IL1RAPL2: variants seen among roughly 807,000 people sequenced by gnomAD.
The protein encoded by IL1RAPL2 is X-linked interleukin-1 receptor accessory protein-like 2.
In IL1RAPL2, 3 loss-of-function variants were observed where a neutral mutation model predicts 44.1. The ratio of observed to expected loss-of-function variants is 0.07; its 90% CI spans 0.03 to 0.18. The LOEUF is 0.18. Ranked by LOEUF, IL1RAPL2 falls within the 10% of genes least tolerant of loss-of-function variation. IL1RAPL2 has a pLI of 1.00. For synonymous variants in IL1RAPL2, 181 were observed against 178.8 expected (o/e 1.01, Z -0.10); for missense variants, 391 against 496.4 (o/e 0.79, Z 2.02).
chrX:104,889,707 C>A (rs952645099), intron 2 of IL1RAPL2, among the ~76,000 whole-genome samples: 1 of 111,842 alleles, frequency 8.9e-6, no homozygotes, highest in Non-Finnish European at 1.9e-5. Flanking sequence ...GCCAGTTTAT[C>A]TACTTCATTA....
intron 6 of IL1RAPL2, among the ~76,000 whole-genome samples, chrX:105,710,414 T>G (rs1384768712): frequency 6.8e-5 from 7 of 102,814 alleles, no homozygotes; most frequent in African/African-American, 2.1e-4. Context: ...AACTCATGTC[T>G]TTCTGCCTCA....
intron 2 of IL1RAPL2, among the ~76,000 whole-genome samples, chrX:105,000,092 T>C (rs1374009607): frequency 2.7e-5 from 3 of 111,212 alleles, no homozygotes; most frequent in African/African-American, 9.8e-5. Context: ...AAAGCCTTTA[T>C]AGATTCAATC....
chrX:104,920,750 C>G (rs1924612909), intron 2 of IL1RAPL2, among the ~76,000 whole-genome samples: 1 of 109,223 alleles, frequency 9.2e-6, no homozygotes, highest in African/African-American at 3.3e-5. Context: ...GCCTAACATG[C>G]TAGATTAAGA....
At chrX:105,463,568 TCCCACA>T (rs2036107857) in intron 5 of IL1RAPL2, among the ~76,000 whole-genome samples, 2 of 32,808 alleles carry the variant, frequency 6.1e-5, no homozygotes, top group African/African-American at 2.1e-4. Context: ...TCTCTCTCTC[TCCCACA>T]CACACACACA....
chrX:104,867,853 C>G (rs1292633283), intron 2 of IL1RAPL2, among the ~76,000 whole-genome samples: 4 of 112,038 alleles, frequency 3.6e-5, no homozygotes, highest in Non-Finnish European at 7.5e-5. Flanking sequence ...GTGCAGTGAC[C>G]TGTGGACTGT....
At chrX:104,683,049 G>A (rs1930917678) in intron 2 of IL1RAPL2, among the ~76,000 whole-genome samples, 1 of 111,353 alleles carries the variant, frequency 9.0e-6, no homozygotes. Flanking sequence ...TGGTAAGAAG[G>A]GACCGGATCT....
chrX:105,099,453 CTTTTTTTTTTT>C (rs36063657), intron 2 of IL1RAPL2, among the ~76,000 whole-genome samples: 25 of 35,866 alleles, frequency 7.0e-4, no homozygotes, highest in African/African-American at 2.2e-3. Flanking sequence ...GTGCCACATA[CTTTTTTTTTTT>C]TTTTTTTTTT....
At chrX:105,011,880 T>C (rs2031054163) in intron 2 of IL1RAPL2, among the ~76,000 whole-genome samples, 1 of 110,610 alleles carries the variant, frequency 9.0e-6, no homozygotes, top group Non-Finnish European at 1.9e-5. Flanking sequence ...TATTTCATAA[T>C]TCACCTGACA....
At chrX:105,630,724 G>A (rs765691879) in intron 6 of IL1RAPL2, among the ~76,000 whole-genome samples, 4 of 110,443 alleles carry the variant, frequency 3.6e-5, no homozygotes, top group Non-Finnish European at 7.6e-5. Context: ...TGAATTAAGT[G>A]TCAAAAAATT....
At chrX:104,814,576 T>C (rs1921086813) in intron 2 of IL1RAPL2, among the ~76,000 whole-genome samples, 1 of 111,931 alleles carries the variant, frequency 8.9e-6, no homozygotes, top group South Asian at 3.7e-4. Flanking sequence ...CAATCTAACA[T>C]AGAGGAAGAC....
At chrX:105,260,424 C>A (rs1247665910) in intron 4 of IL1RAPL2, among the ~76,000 whole-genome samples, 1 of 111,674 alleles carries the variant, frequency 9.0e-6, no homozygotes, top group African/African-American at 3.3e-5. Flanking sequence ...AGCAGTCTCG[C>A]CACATTTTAG....
intron 2 of IL1RAPL2, among the ~76,000 whole-genome samples, chrX:104,912,148 T>C (rs867444344): frequency 1.0e-5 from 1 of 96,549 alleles, no homozygotes; most frequent in South Asian, 4.9e-4. Context: ...TTTTTTTTTT[T>C]CTTTTTTTCC....
chrX:105,237,015 G>T (rs1349446938), intron 4 of IL1RAPL2, among the ~76,000 whole-genome samples: 1 of 110,401 alleles, frequency 9.1e-6, no homozygotes, highest in Non-Finnish European at 1.9e-5. Context: ...CGCACAGCAG[G>T]ACCCAGTGTG....
chrX:105,733,735 T>C (rs1010259442), intron 7 of IL1RAPL2, among the ~76,000 whole-genome samples: 10 of 111,294 alleles, frequency 9.0e-5, no homozygotes, highest in African/African-American at 2.6e-4. Context: ...ACTATTTTCA[T>C]TGGAGCCCTT....
At chrX:105,418,557 A>T (rs1396367254) in intron 5 of IL1RAPL2, among the ~76,000 whole-genome samples, 1 of 111,795 alleles carries the variant, frequency 8.9e-6, no homozygotes, top group African/African-American at 3.3e-5. Context: ...ATGTATAACT[A>T]ATTGTTGCAT....
chrX:104,792,138 CTG>C (rs1170726886), intron 2 of IL1RAPL2, among the ~76,000 whole-genome samples: 1 of 110,385 alleles, frequency 9.1e-6, no homozygotes, highest in Non-Finnish European at 1.9e-5. Flanking sequence ...GGGGAGGAAA[CTG>C]AGGTTCAGAA....
intron 6 of IL1RAPL2, among the ~76,000 whole-genome samples, chrX:105,672,610 G>A (rs916741283): frequency 2.7e-5 from 3 of 112,363 alleles, no homozygotes; most frequent in Non-Finnish European, 3.8e-5. Flanking sequence ...AGGGGCAAGA[G>A]GAGTGTGATT....
At chrX:104,983,412 TATA>T (rs1271757766) in intron 2 of IL1RAPL2, among the ~76,000 whole-genome samples, 10 of 82,900 alleles carry the variant, frequency 1.2e-4, no homozygotes, top group Non-Finnish European at 1.5e-4. Flanking sequence ...AGATACATAA[TATA>T]ATATTAGATA....
At chrX:104,720,822 A>T (rs1342811374) in intron 2 of IL1RAPL2, among the ~76,000 whole-genome samples, 1 of 111,543 alleles carries the variant, frequency 9.0e-6, no homozygotes, top group Non-Finnish European at 1.9e-5. Context: ...ATTTTAAAAC[A>T]CTGTCAGTCC....
Sources: gnomAD v4.1 joint callset for allele counts (sites outside exome capture counted in the v4.1 genomes callset) on GRCh38, gnomAD v4.1.1 for gene constraint, MANE v1.5 for transcripts, NCBI Gene and HGNC (gene_info 2026-07-23, HGNC 2026-07-21) for gene names.